Variants in COL11A1 observed in about 807,000 individuals in gnomAD.
COL11A1 encodes collagen alpha-1(XI) chain.
In COL11A1, 74 loss-of-function variants were observed where a neutral mutation model predicts 265.2. That is an observed-to-expected ratio of 0.28 (90% CI 0.23 to 0.34). COL11A1 has a LOEUF of 0.34. Ranked by LOEUF, COL11A1 falls within the 10% of genes least tolerant of loss-of-function variation. COL11A1 has a pLI of 1.00. For synonymous variants in COL11A1, 816 were observed against 727.6 expected, an observed-to-expected ratio of 1.12 and a Z score of -1.96; for missense variants, 2,165 against 2,263.6, an observed-to-expected ratio of 0.96 and a Z score of 0.88.
chr1:102,912,666 C>T (rs1220172782), intron 53 of COL11A1, among the ~76,000 whole-genome samples: 1 of 152,152 alleles, frequency 6.6e-6, no homozygotes, highest in Non-Finnish European at 1.5e-5. Context: ...TGTGTCCCTA[C>T]CCAAATCTCA....
At position 103,033,495 on chromosome 1, in the gene COL11A1, T is replaced by A. The variant is rs535774051; in HGVS notation, c.652-2251A>T. ...ATGTCAATCCTACACAAAAATGTTA[T>A]CTTATGTAGCTCTAATCCCTCCTCC... On this transcript the variant is annotated intron_variant, in intron 4 of 66. Transcript: ENST00000370096. Among the ~76,000 whole-genome samples, 183 of 152,216 alleles carry A rather than the reference T, an allele frequency of 1.2e-3. 1 individual carries two copies. The highest frequency in any genetic ancestry group is 1.8e-3 in the Non-Finnish European group (119 of 67,982).
At chr1:102,886,205 G>T (rs1244587057) in intron 63 of COL11A1, among the ~76,000 whole-genome samples, 1 of 152,076 alleles carries the variant, frequency 6.6e-6, no homozygotes, top group Admixed American at 6.6e-5. Context: ...TGACCAATAG[G>T]TATATAAAGG....
intron 20 of COL11A1, 63 bp downstream of exon 20, chr1:103,004,381 A>T: frequency 8.4e-7 from 1 of 1,186,224 alleles, no homozygotes; most frequent in South Asian, 1.3e-5. Context: ...TTATATGTGT[A>T]ACACCAGTCA....
At chr1:102,996,130 G>T in intron 26 of COL11A1, 88 bp from the exon 27 acceptor site, 1 of 1,354,838 alleles carries the variant, frequency 7.4e-7, no homozygotes, top group Non-Finnish European at 1.0e-6. Flanking sequence ...TAATCTACAA[G>T]GATATGGTTT....
intron 1 of COL11A1, chr1:103,100,314 T>G (rs980566241): frequency 1.3e-5 from 2 of 151,840 alleles, no homozygotes; most frequent in African/African-American, 2.4e-5. Context: ...TCTATAAGAG[T>G]TCTTTTACTT....
At chr1:103,091,802 C>T (rs771469870) in intron 1 of COL11A1, among the ~76,000 whole-genome samples, 27 of 151,920 alleles carry the variant, frequency 1.8e-4, no homozygotes, top group Non-Finnish European at 2.9e-4. Flanking sequence ...AAAAAAACTG[C>T]GTATTTCATA....
At chr1:102,908,250 A>C (rs549175064) in intron 54 of COL11A1, among the ~76,000 whole-genome samples, 2 of 152,096 alleles carry the variant, frequency 1.3e-5, no homozygotes, top group East Asian at 3.9e-4. Flanking sequence ...TGCTATTATA[A>C]TTTGTAAGAA....
rs1421402383 is a variant in COL11A1 at position 102,962,749 on chromosome 1, A to G, written c.2928T>C (p.Gly976=). 3 of 1,613,542 alleles carry G rather than the reference A, an allele frequency of 1.9e-6. No homozygotes were observed. Among genetic ancestry groups the G allele is most frequent in the South Asian group, 1.1e-5 (1 of 91,080 alleles). Reference sequence around the variant, plus strand: ...CACGTTCCCCTATTGGACCAGTCTCACCGGTTGGTCCCTAAATTAGATAAG... The same window carrying G: ...CACGTTCCCCTATTGGACCAGTCTCGCCGGTTGGTCCCTAAATTAGATAAG... ...GGVVGPQGPT[G]ETGPIGERGH... Residue 976 remains glycine, a synonymous_variant, in exon 39 of 67, where the codon GGT becomes GGC. Coordinates refer to ENST00000370096, the MANE Select transcript of COL11A1 (RefSeq NM_001854.4).
intron 4 of COL11A1, among the ~76,000 whole-genome samples, chr1:103,056,094 G>T (rs1034944782): frequency 6.6e-6 from 1 of 152,088 alleles, no homozygotes; most frequent in African/African-American, 2.4e-5. Context: ...TTTTATCAAG[G>T]TTTTGTCCCA....
chr1:103,073,480 G>A (rs1291911888), intron 4 of COL11A1, among the ~76,000 whole-genome samples: 1 of 151,496 alleles, frequency 6.6e-6, no homozygotes, highest in Admixed American at 6.6e-5. Context: ...TTGGATATTG[G>A]GATATCTGAG....
intron 54 of COL11A1, among the ~76,000 whole-genome samples, chr1:102,906,438 C>T (rs1353590069): frequency 1.3e-5 from 2 of 152,074 alleles, no homozygotes; most frequent in Non-Finnish European, 2.9e-5. Flanking sequence ...GAGAGGGTCT[C>T]CCTCTGTTGT....
Position 103,108,398 on chromosome 1 carries a change from AC to A in COL11A1, c.-221del. 1 of 613,114 alleles carries A rather than the reference AC, an allele frequency of 1.6e-6. No individual in the cohort carries two copies. Among genetic ancestry groups the A allele is most frequent in the Non-Finnish European group, 2.9e-6 (1 of 343,850 alleles). 38.0% of individuals were successfully genotyped at this position (613,114 alleles called of 1,614,324 possible). On this transcript the variant is annotated 5_prime_UTR_variant, in exon 1 of 67. Transcript: ENST00000370096. ...CTCTGAGTTGGCCCCACCGGCCGGGACCCTCCGGCCGCGACCCTCTGATCCT... is the reference window on the plus strand; with the variant it reads ...CTCTGAGTTGGCCCCACCGGCCGGGACCTCCGGCCGCGACCCTCTGATCCT...
intron 18 of COL11A1, 147 bp downstream of exon 18, chr1:103,005,691 T>C: frequency 1.2e-6 from 1 of 807,126 alleles, no homozygotes; most frequent in Non-Finnish European, 2.0e-6. Flanking sequence ...TAATTTTACC[T>C]ATTTTCCTTC....
chr1:103,102,097 T>A (rs536600639), intron 1 of COL11A1, among the ~76,000 whole-genome samples: 102 of 152,190 alleles, frequency 6.7e-4, no homozygotes, highest in African/African-American at 2.4e-3. Flanking sequence ...AAGCTAGTAT[T>A]ATTCATGTTG....
At chr1:103,051,479 C>T (rs921230507) in intron 4 of COL11A1, among the ~76,000 whole-genome samples, 1 of 152,172 alleles carries the variant, frequency 6.6e-6, no homozygotes. Flanking sequence ...TGGGAGTGAC[C>T]TGATTTTCCA....
At chr1:102,969,507 A>C (rs1661749977) in intron 37 of COL11A1, among the ~76,000 whole-genome samples, 1 of 152,190 alleles carries the variant, frequency 6.6e-6, no homozygotes, top group South Asian at 2.1e-4. Context: ...ATGACAATCC[A>C]CTGGGATAGC....
At chr1:103,094,047 A>G (rs561947216) in intron 1 of COL11A1, among the ~76,000 whole-genome samples, 1 of 152,232 alleles carries the variant, frequency 6.6e-6, no homozygotes, top group Admixed American at 6.5e-5. Flanking sequence ...CCTGAAGAAA[A>G]CTGTGGCCAT....
intron 4 of COL11A1, among the ~76,000 whole-genome samples, chr1:103,034,832 G>C (rs1197916093): frequency 6.6e-6 from 1 of 151,912 alleles, no homozygotes; most frequent in African/African-American, 2.4e-5. Context: ...CCTGAAATCA[G>C]ATACTATCCT....
intron 63 of COL11A1, among the ~76,000 whole-genome samples, chr1:102,885,022 C>T (rs573003566): frequency 6.6e-6 from 1 of 152,278 alleles, no homozygotes; most frequent in East Asian, 1.9e-4. Flanking sequence ...AATACTACAA[C>T]ACAGGCCAGG....
Sources: allele counts gnomAD v4.1 joint callset (sites outside exome capture counted in the v4.1 genomes callset), GRCh38; gene constraint gnomAD v4.1.1; transcripts MANE v1.5; gene names NCBI Gene and HGNC (gene_info 2026-07-23, HGNC 2026-07-21).